The following NLGN1 variants were observed in gnomAD, a reference collection of about 807,000 sequenced individuals.
The protein encoded by NLGN1 is neuroligin-1.
NLGN1 carries 12 observed loss-of-function variants against 65.5 expected under a neutral mutation model. The observed-to-expected ratio is 0.18, with a 90% CI of 0.12 to 0.30. The LOEUF (loss-of-function observed/expected upper bound fraction) is 0.30. Among genes scored for constraint, NLGN1 ranks in the 10% least tolerant of loss-of-function variants. The pLI is 1.00. For missense variants in NLGN1, 750 were observed against 1,007.1 expected, an observed-to-expected ratio of 0.74 and a Z score of 3.46; for synonymous variants, 350 against 359.5, an observed-to-expected ratio of 0.97 and a Z score of 0.30.
intron 2 of NLGN1, among the ~76,000 whole-genome samples, chr3:173,463,417 C>G (rs1723730898): frequency 6.6e-6 from 1 of 152,210 alleles, no homozygotes; most frequent in Non-Finnish European, 1.5e-5. Flanking sequence ...CCATACAGAT[C>G]TGTTGCTCCC....
chr3:174,036,586 T>TG (rs926297187), intron 4 of NLGN1, among the ~76,000 whole-genome samples: 6 of 88,518 alleles, frequency 6.8e-5, no homozygotes, highest in African/African-American at 1.7e-4. Flanking sequence ...TTTTTGTTGT[T>TG]TTTTTTTTTT....
intron 2 of NLGN1, among the ~76,000 whole-genome samples, chr3:173,500,563 T>A (rs1730909333): frequency 2.0e-5 from 3 of 152,184 alleles, no homozygotes; most frequent in Admixed American, 2.0e-4. Context: ...AATGCTGGCC[T>A]CATAAAATGA....
intron 4 of NLGN1, among the ~76,000 whole-genome samples, chr3:174,185,798 G>T (rs1255455763): frequency 8.2e-6 from 1 of 122,242 alleles, no homozygotes; most frequent in Non-Finnish European, 1.8e-5. Flanking sequence ...CCCTAAAATA[G>T]AAATTAACCA....
intron 2 of NLGN1, among the ~76,000 whole-genome samples, chr3:173,436,004 T>C (rs1718073958): frequency 6.6e-6 from 1 of 152,138 alleles, no homozygotes; most frequent in Non-Finnish European, 1.5e-5. Context: ...TCTTTGTAAC[T>C]AAACCCCAAA....
chr3:174,156,493 A>C (rs917075863), intron 4 of NLGN1, among the ~76,000 whole-genome samples: 26 of 151,824 alleles, frequency 1.7e-4, no homozygotes, highest in African/African-American at 6.0e-4. Flanking sequence ...CTTTCACGCA[A>C]TGACTCTGTA....
In NLGN1 at chr3:173,404,953, A is replaced by G. The variant is rs145285620; in HGVS notation, c.-390+6466A>G. ...CTACTACTTAGAATTTTTACTTTAT[A>G]TTTTTATAAAGGAGGATTTTTAGAC... is the stretch of plus-strand genomic sequence containing the variant. On this transcript the variant is annotated intron_variant, in intron 1 of 6. Coordinates refer to ENST00000457714, the Ensembl canonical transcript of NLGN1. 3.0e-3 allele frequency among the ~76,000 whole-genome samples: 457 copies of G among 152,204 alleles called. 2 individuals are homozygous for G. The highest frequency in any genetic ancestry group is 0.011 in the African/African-American group (448 of 41,542).
intron 4 of NLGN1, among the ~76,000 whole-genome samples, chr3:174,274,504 T>C (rs1750143586): frequency 6.6e-6 from 1 of 151,780 alleles, no homozygotes; most frequent in African/African-American, 2.4e-5. Flanking sequence ...TTAAACTCTC[T>C]CCCCTACCTC....
At chr3:173,499,678 T>G (rs1221008945) in intron 2 of NLGN1, among the ~76,000 whole-genome samples, 2 of 151,940 alleles carry the variant, frequency 1.3e-5, no homozygotes, top group Non-Finnish European at 2.9e-5. Context: ...TGTTTCTTCC[T>G]ACCCATGAGC....
At chr3:174,217,633 C>T (rs1737865187) in intron 4 of NLGN1, among the ~76,000 whole-genome samples, 1 of 151,994 alleles carries the variant, frequency 6.6e-6, no homozygotes, top group African/African-American at 2.4e-5. Context: ...TAATTACCTC[C>T]CAAAAGCTCC....
chr3:174,292,345 A>G, the NLGN1 span, among the ~76,000 whole-genome samples: 1 of 151,288 alleles, frequency 6.6e-6, no homozygotes, highest in South Asian at 2.1e-4. Context: ...AAACCATAGA[A>G]GGTGAACCTG....
In NLGN1 at chr3:173,503,890, T is replaced by G. The variant is rs112734603; in HGVS notation, c.-321+68812T>G. ...TGCATAACTAGAAGGGAATCCTGACTGGGATTTTTTTTTCTTTTCTTATTA... is the reference window on the plus strand; with the variant it reads ...TGCATAACTAGAAGGGAATCCTGACGGGGATTTTTTTTTCTTTTCTTATTA... On this transcript the variant is annotated intron_variant, in intron 2 of 6. Coordinates refer to ENST00000457714, the Ensembl canonical transcript of NLGN1. Among the ~76,000 whole-genome samples, 515 of 152,228 alleles carry G rather than the reference T, an allele frequency of 3.4e-3. 4 individuals are homozygous for G. The highest frequency in any genetic ancestry group is 0.011 in the African/African-American group (467 of 41,558).
chr3:173,880,717 T>TG (rs1388707772), intron 4 of NLGN1, among the ~76,000 whole-genome samples: 2 of 152,120 alleles, frequency 1.3e-5, no homozygotes, highest in Non-Finnish European at 2.9e-5. Context: ...CTGATCAGAG[T>TG]GGCAGCTGCC....
At position 174,179,520 on chromosome 3, in the gene NLGN1, G is replaced by A. The variant is rs116717129; in HGVS notation, c.647-95795G>A. Among the ~76,000 whole-genome samples, 1,121 of 152,056 alleles carry A rather than the reference G, an allele frequency of 7.4e-3. 2 individuals are homozygous for A. Among genetic ancestry groups the A allele is most frequent in the Non-Finnish European group, 0.012 (804 of 67,940 alleles). ...TTGTCTCCCAGACTGAGATCACACCGCCTTAATATTGTTTGTTAGATATTG... is the reference window on the plus strand; with the variant it reads ...TTGTCTCCCAGACTGAGATCACACCACCTTAATATTGTTTGTTAGATATTG... On this transcript the variant is annotated intron_variant, in intron 4 of 6. Transcript: ENST00000457714.
intron 4 of NLGN1, among the ~76,000 whole-genome samples, chr3:173,923,293 G>A (rs777675869): frequency 6.6e-6 from 1 of 151,974 alleles, no homozygotes; most frequent in Admixed American, 6.6e-5. Flanking sequence ...TGTTTTCTTC[G>A]TAAACTTCTG....
At chr3:173,786,504 A>T (rs1054351622) in intron 3 of NLGN1, among the ~76,000 whole-genome samples, 24 of 152,146 alleles carry the variant, frequency 1.6e-4, no homozygotes, top group Non-Finnish European at 1.5e-5. Context: ...AGTTATCTTT[A>T]GGTGACTCGC....
chr3:173,778,321 A>G (rs1033214001), intron 3 of NLGN1, among the ~76,000 whole-genome samples: 2 of 151,812 alleles, frequency 1.3e-5, no homozygotes, highest in Non-Finnish European at 3.0e-5. Context: ...TATTTCTACC[A>G]TTGTTAATTT....
chr3:174,027,542 A>C (rs1434425183), intron 4 of NLGN1, among the ~76,000 whole-genome samples: 1 of 152,126 alleles, frequency 6.6e-6, no homozygotes, highest in Non-Finnish European at 1.5e-5. Flanking sequence ...TTTGGTGAAT[A>C]ATAAACACCA....
chr3:173,905,947 C>T (rs1021116060), intron 4 of NLGN1, among the ~76,000 whole-genome samples: 2 of 152,120 alleles, frequency 1.3e-5, no homozygotes, highest in Admixed American at 6.5e-5. Flanking sequence ...ACTGCATAAA[C>T]AGAATGTAGA....
At chr3:173,922,694 A>C (rs1022547494) in intron 4 of NLGN1, among the ~76,000 whole-genome samples, 1 of 152,116 alleles carries the variant, frequency 6.6e-6, no homozygotes, top group African/African-American at 2.4e-5. Flanking sequence ...AAAGAAGCTT[A>C]AGCTCTTTAT....
Sources: gnomAD v4.1 joint callset for allele counts (sites outside exome capture counted in the v4.1 genomes callset) on GRCh38, gnomAD v4.1.1 for gene constraint, MANE v1.5 for transcripts, NCBI Gene and HGNC (gene_info 2026-07-23, HGNC 2026-07-21) for gene names.